Variants in PDIA6 observed in about 807,000 individuals in gnomAD.
PDIA6 encodes the protein protein disulfide-isomerase A6.
In PDIA6, 29 loss-of-function variants were observed where a neutral mutation model predicts 58.4. The ratio of observed to expected loss-of-function variants is 0.50; its 90% CI spans 0.37 to 0.68. PDIA6 has a LOEUF of 0.68. Among genes scored for constraint, PDIA6 ranks in the 30% least tolerant of loss-of-function variants. The pLI, the probability that PDIA6 is intolerant of heterozygous loss-of-function variation, is 0.00. For missense variants in PDIA6, 480 were observed against 551.0 expected, an observed-to-expected ratio of 0.87 and a Z score of 1.29; for synonymous variants, 192 against 202.6, an observed-to-expected ratio of 0.95 and a Z score of 0.44.
At chr2:10,788,541 A>G (rs140876801) in intron 10 of PDIA6, among the ~76,000 whole-genome samples, 156 bp downstream of exon 10, 11,707 of 148,976 alleles carry the variant, frequency 0.079, 589 homozygotes, top group South Asian at 0.15. Context: ...CTATAATCCC[A>G]GCTACTTGGG....
At chr2:10,835,944 G>C (rs1013138930), upstream of PDIA6, among the ~76,000 whole-genome samples, 2 of 152,074 alleles carry the variant, frequency 1.3e-5, no homozygotes, top group Non-Finnish European at 2.9e-5. Context: ...CCAGCTACTC[G>C]GGAGGCTGAG....
chr2:10,791,754 A>G, intron 6 of PDIA6, 41 bp downstream of exon 6: 2 of 1,585,374 alleles, frequency 1.3e-6, no homozygotes, highest in Non-Finnish European at 1.7e-6. Flanking sequence ...ATGTACTGAA[A>G]ACACTGTGAA....
chr2:10,786,904 G>A (rs1665788704), intron 11 of PDIA6, among the ~76,000 whole-genome samples: 1 of 152,146 alleles, frequency 6.6e-6, no homozygotes, highest in South Asian at 2.1e-4. Flanking sequence ...GCCCAGAAAT[G>A]GAAACCACAT....
At chr2:10,817,551 G>A (rs539661273), upstream of PDIA6, among the ~76,000 whole-genome samples, 10 of 152,340 alleles carry the variant, frequency 6.6e-5, no homozygotes, top group South Asian at 2.1e-3. Flanking sequence ...GGTATATACT[G>A]CCTGCCACAC....
intron 2 of PDIA6, among the ~76,000 whole-genome samples, chr2:10,800,535 T>C (rs1321211755): frequency 6.6e-6 from 1 of 152,094 alleles, no homozygotes; most frequent in Non-Finnish European, 1.5e-5. Context: ...TAGGTTTTTT[T>C]TTGCGATTCT....
intron 1 of PDIA6, among the ~76,000 whole-genome samples, chr2:10,826,173 A>G (rs59189612): frequency 0.029 from 4,434 of 152,318 alleles, 220 homozygotes; most frequent in African/African-American, 0.1. Context: ...ATGCCACGAT[A>G]TGGATTGACC....
chr2:10,797,487 T>C (rs1666319318), intron 3 of PDIA6, among the ~76,000 whole-genome samples: 1 of 152,182 alleles, frequency 6.6e-6, no homozygotes, highest in African/African-American at 2.4e-5. Flanking sequence ...AAACAGGCAA[T>C]GTAAACATTT....
chr2:10,822,961 G>T (rs925549109), intron 1 of PDIA6, among the ~76,000 whole-genome samples: 1 of 152,210 alleles, frequency 6.6e-6, no homozygotes, highest in Non-Finnish European at 1.5e-5. Context: ...GCCATGGACA[G>T]TTTTTCTGTG....
intron 1 of PDIA6, among the ~76,000 whole-genome samples, chr2:10,804,217 A>T (rs1488955014): frequency 6.7e-5 from 10 of 150,042 alleles, no homozygotes; most frequent in Admixed American, 2.7e-4. Flanking sequence ...CCTGTGTCCT[A>T]GTTTTTGACA....
intron 1 of PDIA6, among the ~76,000 whole-genome samples, chr2:10,803,969 C>T (rs560627923): frequency 1.2e-4 from 17 of 137,584 alleles, no homozygotes; most frequent in East Asian, 4.4e-4. Flanking sequence ...AGTGCATTGG[C>T]GCTATCTCGG....
chr2:10,816,707 T>G (rs911220284), upstream of PDIA6, among the ~76,000 whole-genome samples: 12 of 152,144 alleles, frequency 7.9e-5, no homozygotes, highest in African/African-American at 2.9e-4. Flanking sequence ...CAGCCTTCCT[T>G]TTTTCCGCAG....
intron 12 of PDIA6, chr2:10,784,706 C>A: frequency 5.6e-6 from 3 of 538,200 alleles, no homozygotes; most frequent in Non-Finnish European, 6.5e-6. Context: ...GGAAAGCAAC[C>A]TTACTACTGA....
intron 5 of PDIA6, 36 bp downstream of exon 5, chr2:10,793,060 T>A: frequency 7.1e-7 from 1 of 1,403,772 alleles, no homozygotes; most frequent in Non-Finnish European, 1.0e-6. Flanking sequence ...GCTTCAAAAT[T>A]ATGACACATT....
intron 10 of PDIA6, among the ~76,000 whole-genome samples, chr2:10,787,698 C>G (rs781518218): frequency 2.0e-5 from 3 of 152,012 alleles, no homozygotes; most frequent in Admixed American, 1.3e-4. Context: ...GCAAGGTCAT[C>G]GAGAGAGGGA....
chr2:10,824,266 A>T (rs1667486948), intron 1 of PDIA6, among the ~76,000 whole-genome samples: 1 of 151,888 alleles, frequency 6.6e-6, no homozygotes, highest in South Asian at 2.1e-4. Context: ...CATTGGCTAA[A>T]AAGAGCTGCT....
intron 2 of PDIA6, among the ~76,000 whole-genome samples, chr2:10,797,967 C>T (rs1167924022): frequency 6.6e-6 from 1 of 152,142 alleles, no homozygotes; most frequent in African/African-American, 2.4e-5. Context: ...GGGAGGATCA[C>T]TTGAGGTCAG....
intron 4 of PDIA6, among the ~76,000 whole-genome samples, chr2:10,795,594 A>C (rs1039834846): frequency 2.0e-5 from 3 of 152,202 alleles, no homozygotes; most frequent in African/African-American, 7.2e-5. Context: ...ATTTCAATTA[A>C]GCTTCTGGTA....
At chr2:10,806,347 G>C (rs1348048686) in intron 1 of PDIA6, among the ~76,000 whole-genome samples, 1 of 142,654 alleles carries the variant, frequency 7.0e-6, no homozygotes, top group Admixed American at 7.3e-5. Context: ...ACTCCAGCCT[G>C]ATAGGGCAAG....
intron 2 of PDIA6, among the ~76,000 whole-genome samples, chr2:10,818,778 C>T (rs1667296507): frequency 6.6e-6 from 1 of 152,022 alleles, no homozygotes; most frequent in South Asian, 2.1e-4. Flanking sequence ...CCACCTCAGC[C>T]TCCCAAAGTG....
Sources: gnomAD v4.1 joint callset for allele counts (sites outside exome capture counted in the v4.1 genomes callset) on GRCh38, gnomAD v4.1.1 for gene constraint, MANE v1.5 for transcripts, NCBI Gene and HGNC (gene_info 2026-07-23, HGNC 2026-07-21) for gene names.